Variants in ULK4 observed in about 807,000 individuals in gnomAD.
ULK4 encodes the protein unc-51 like kinase 4.
Under a neutral mutation model 160.6 loss-of-function variants are expected in ULK4, and 133 were observed. The ratio of observed to expected loss-of-function variants is 0.83; its 90% CI spans 0.72 to 0.96. The LOEUF (loss-of-function observed/expected upper bound fraction) is 0.96. Among genes scored for constraint, ULK4 ranks in the 40% least tolerant of loss-of-function variants. ULK4 has a pLI of 0.00. For synonymous variants in ULK4, 534 were observed against 539.8 expected, an observed-to-expected ratio of 0.99 and a Z score of 0.15; for missense variants, 1,580 against 1,499.5, an observed-to-expected ratio of 1.05 and a Z score of -0.89.
chr3:41,523,277 G>T (rs1354682955), intron 32 of ULK4, among the ~76,000 whole-genome samples: 1 of 152,122 alleles, frequency 6.6e-6, no homozygotes, highest in Non-Finnish European at 1.5e-5. Flanking sequence ...CACATATTAG[G>T]TTCTCAATAA....
At chr3:41,352,897 C>T (rs2080939791) in intron 35 of ULK4, among the ~76,000 whole-genome samples, 1 of 152,190 alleles carries the variant, frequency 6.6e-6, no homozygotes, top group African/African-American at 2.4e-5. Context: ...AAGCAGGGCA[C>T]ATGCATTTTT....
chr3:41,790,063 T>C (rs148596108), intron 20 of ULK4, among the ~76,000 whole-genome samples: 4 of 152,354 alleles, frequency 2.6e-5, no homozygotes, highest in East Asian at 3.9e-4. Flanking sequence ...CTAGAGACTA[T>C]TGTAGTAATA....
rs115301133 is a variant in ULK4, at chr3:41,767,859, A to C, written c.2194-13371T>G. The stretch of plus-strand genomic sequence containing the variant: ...GTTACGTCTCAAGAAACTTACCTCA[A>C]AGGGATGAACAAATGAGCTTATGTA... On this transcript the variant is annotated intron_variant, in intron 21 of 36. Transcript: ENST00000301831. 2.4e-3 allele frequency among the ~76,000 whole-genome samples: 371 copies of C among 152,258 alleles called. 1 individual carries two copies. Among genetic ancestry groups the C allele is most frequent in the African/African-American group, 8.0e-3 (331 of 41,570 alleles).
intron 32 of ULK4, among the ~76,000 whole-genome samples, chr3:41,487,581 A>G (rs1199782258): frequency 6.6e-6 from 1 of 152,196 alleles, no homozygotes; most frequent in African/African-American, 2.4e-5. Context: ...TTGTATAAAC[A>G]GAGGTTTCAA....
At chr3:41,570,377 T>A (rs538784807) in intron 31 of ULK4, among the ~76,000 whole-genome samples, 1 of 152,364 alleles carries the variant, frequency 6.6e-6, no homozygotes, top group East Asian at 1.9e-4. Flanking sequence ...ACCAATTTCA[T>A]CTAATTATTC....
At chr3:41,253,749 A>G (rs1272988925) in intron 35 of ULK4, among the ~76,000 whole-genome samples, 1 of 152,166 alleles carries the variant, frequency 6.6e-6, no homozygotes, top group African/African-American at 2.4e-5. Context: ...TGATCCAACC[A>G]TCTATTGTGT....
chr3:41,938,225 AAAAG>A (rs1254438053), intron 2 of ULK4, 28 bp from the exon 3 acceptor site: 1 of 1,577,600 alleles, frequency 6.3e-7, no homozygotes, highest in South Asian at 1.1e-5. Flanking sequence ...AATCACTCTA[AAAAG>A]AAATTCCTAA....
At chr3:41,794,500 C>A (rs1164831702) in intron 20 of ULK4, among the ~76,000 whole-genome samples, 1 of 151,496 alleles carries the variant, frequency 6.6e-6, no homozygotes, top group African/African-American at 2.4e-5. Flanking sequence ...CCTATCTCTA[C>A]TAAAAATAGA....
intron 30 of ULK4, among the ~76,000 whole-genome samples, chr3:41,651,500 A>G (rs1039774729): frequency 6.6e-6 from 1 of 152,228 alleles, no homozygotes; most frequent in Admixed American, 6.5e-5. Context: ...ATCTAATGCC[A>G]GGACGTTGTT....
chr3:41,381,403 C>G (rs1559557465), intron 35 of ULK4, among the ~76,000 whole-genome samples: 1 of 152,180 alleles, frequency 6.6e-6, no homozygotes, highest in Non-Finnish European at 1.5e-5. Context: ...GCCTATAGAG[C>G]CAACTGCTAG....
chr3:41,550,291 C>T (rs2087011383), intron 32 of ULK4, among the ~76,000 whole-genome samples: 1 of 151,940 alleles, frequency 6.6e-6, no homozygotes. Context: ...CCTTACCTAT[C>T]AATAATAACC....
Position 41,615,811 on chromosome 3 carries a change from T to C in ULK4, c.3072-94A>G, listed in dbSNP as rs1014384726. On this transcript the variant is annotated intron_variant, in intron 30 of 36. Transcript: ENST00000301831. The stretch of plus-strand genomic sequence containing the variant: ...AAAGCACCTCAGCCCCCATGTTTTA[T>C]TGCTAAAATTCCATGATAAGAAATA... The C allele has an allele frequency of 3.7e-6, 4 of 1,087,596 alleles. No individual in the cohort carries two copies. In the African/African-American group the frequency reaches 6.4e-5, roughly 17 times the overall value. The allele number at this position is 1,087,596 out of a possible 1,614,324, so 67.4% of individuals were successfully genotyped here.
chr3:41,896,992 A>G lies in ULK4; in HGVS notation c.1360T>C (p.Leu454=), dbSNP rs1052073602. ...TTCCAATCTTGATCTTTCAGAAATA[A>G]TAACTTATCCACTGCGATGGAAAGA... ...HLPTYSVDKL[L]FLKDQDWNDF... The change falls in exon 15 of 37, where the codon TTA becomes CTA. Residue 454 remains leucine, a synonymous_variant. Coordinates refer to ENST00000301831, the MANE Select transcript of ULK4 (RefSeq NM_017886.4). 6.2e-7 allele frequency: 1 copy of G among 1,612,230 alleles called. No individual in the cohort carries two copies. The highest frequency in any genetic ancestry group is 8.5e-7 in the Non-Finnish European group (1 of 1,179,428).
Position 41,835,981 on chromosome 3 carries a change from C to CAAAA in ULK4, c.1657-14_1657-11dup, listed in dbSNP as rs58776901. 8,954 of 1,176,284 alleles carry CAAAA rather than the reference C, an allele frequency of 7.6e-3. 10 individuals are homozygous for CAAAA. The highest frequency in any genetic ancestry group is 0.032 in the African/African-American group (1,900 of 58,684). The allele number at this position is 1,176,284 out of a possible 1,614,324, so 72.9% of individuals were successfully genotyped here. On this transcript the variant is annotated splice_polypyrimidine_tract_variant and intron_variant, in intron 17 of 36. Coordinates refer to ENST00000301831, the MANE Select transcript of ULK4 (RefSeq NM_017886.4). The stretch of plus-strand genomic sequence containing the variant: ...TTAAGAGAACAATTGCCTGCAAAGA[C>CAAAA]AAAAAAAAAAAAAGTAAATTATTTC...
chr3:41,608,490 T>C (rs1227837316), intron 31 of ULK4, among the ~76,000 whole-genome samples: 1 of 152,238 alleles, frequency 6.6e-6, no homozygotes, highest in Non-Finnish European at 1.5e-5. Flanking sequence ...GTAACATTCA[T>C]TGGTTTCATA....
At chr3:41,540,881 TG>T (rs1575383741) in intron 32 of ULK4, among the ~76,000 whole-genome samples, 1 of 151,774 alleles carries the variant, frequency 6.6e-6, no homozygotes, top group African/African-American at 2.4e-5. Flanking sequence ...TTGATGGGGT[TG>T]TTTTTTTCTT....
chr3:41,952,156 T>C (rs189626699), intron 2 of ULK4, among the ~76,000 whole-genome samples: 1 of 152,246 alleles, frequency 6.6e-6, no homozygotes, highest in Non-Finnish European at 1.5e-5. Context: ...TTTTGGATAT[T>C]TGCGTAAGAC....
intron 33 of ULK4, among the ~76,000 whole-genome samples, chr3:41,457,746 A>G (rs777528484): frequency 1.3e-5 from 2 of 152,100 alleles, no homozygotes; most frequent in Non-Finnish European, 2.9e-5. Flanking sequence ...CCCTGTCACA[A>G]CATCATGACT....
intron 34 of ULK4, among the ~76,000 whole-genome samples, chr3:41,409,559 A>T (rs76665835): frequency 6.6e-6 from 1 of 152,242 alleles, no homozygotes; most frequent in South Asian, 2.1e-4. Context: ...CAATTTTTTA[A>T]TGAGCAAAGA....
Sources: gnomAD v4.1 joint callset for allele counts (sites outside exome capture counted in the v4.1 genomes callset) on GRCh38, gnomAD v4.1.1 for gene constraint, MANE v1.5 for transcripts, NCBI Gene and HGNC (gene_info 2026-07-23, HGNC 2026-07-21) for gene names.